Variants in SIGLEC7 observed in about 807,000 individuals in gnomAD.
SIGLEC7 encodes sialic acid-binding Ig-like lectin 7.
A neutral mutation model predicts 40.8 loss-of-function variants in SIGLEC7; 33 were observed. That is an observed-to-expected ratio of 0.81 (90% confidence interval 0.61 to 1.08). The LOEUF (loss-of-function observed/expected upper bound fraction) is 1.08. SIGLEC7 is among the 50% of genes least tolerant of loss of function. SIGLEC7 has a pLI of 0.00. For synonymous variants in SIGLEC7, 242 were observed against 237.6 expected (o/e 1.02, Z -0.17); for missense variants, 513 against 576.1 (o/e 0.89, Z 1.12).
chr19:51,144,138 T>G, intron 1 of SIGLEC7: 1 of 722,694 alleles, frequency 1.4e-6, no homozygotes, highest in South Asian at 1.4e-5. Context: ...AACTACTACT[T>G]CCAGGTGGAG....
At chr19:51,149,294 AT>A (rs1370014814) in intron 6 of SIGLEC7, among the ~76,000 whole-genome samples, 1 of 152,212 alleles carries the variant, frequency 6.6e-6, no homozygotes, top group Non-Finnish European at 1.5e-5. Flanking sequence ...TGAGTTTTAC[AT>A]TTAAGTTTTT....
At chr19:51,147,023 T>A in intron 5 of SIGLEC7, 173 bp downstream of exon 5, 1 of 1,003,730 alleles carries the variant, frequency 1.0e-6, no homozygotes. Flanking sequence ...GGGCTCCACA[T>A]CTGTGGTGAA....
chr19:51,144,460 T>A lies in SIGLEC7; in HGVS notation c.488T>A (p.Phe163Tyr), dbSNP rs559408851. ...LIPGTLESGC[F>Y]QNLTCSVPWA... The stretch of plus-strand genomic sequence containing the variant: ...CCCGGTACCCTGGAGTCTGGCTGCT[T>A]CCAGAATCTGACCTGCTCTGTGCCC... The change falls in exon 2 of 7, where the codon TTC becomes TAC. Residue 163 changes from phenylalanine (F) to tyrosine (Y), a missense_variant. Physicochemically the swap from Phe to Tyr is conservative, Grantham distance 22 (BLOSUM62 3). Coordinates refer to ENST00000317643, the MANE Select transcript of SIGLEC7 (RefSeq NM_014385.4). 6.2e-7 allele frequency: 1 copy of A among 1,613,398 alleles called. No homozygotes were observed. The highest frequency in any genetic ancestry group is 1.7e-5 in the Admixed American group (1 of 60,008).
chr19:51,144,749 G>A, intron 2 of SIGLEC7, 65 bp downstream of exon 2: 1 of 1,591,678 alleles, frequency 6.3e-7, no homozygotes, highest in Non-Finnish European at 8.6e-7. Flanking sequence ...GGCAGAGGAT[G>A]GGGTCAGGGC....
intron 4 of SIGLEC7, 142 bp from the exon 5 acceptor site, chr19:51,146,612 C>A: frequency 1.5e-6 from 1 of 656,728 alleles, no homozygotes. Context: ...GGAGTTGTCC[C>A]TTCCTCCTCC....
chr19:51,147,941 G>A (rs1230110615), intron 6 of SIGLEC7, among the ~76,000 whole-genome samples: 3 of 152,242 alleles, frequency 2.0e-5, no homozygotes, highest in Admixed American at 6.5e-5. Flanking sequence ...TTAGCTGGCT[G>A]TGTGCCAGTA....
Position 51,145,922 on chromosome 19 carries a change from T to A in SIGLEC7, c.828T>A (p.Cys276Ter), listed in dbSNP as rs751243654. 7.4e-6 allele frequency: 12 copies of A among 1,614,228 alleles called. No individual in the cohort carries two copies. The highest frequency in any genetic ancestry group is 9.3e-6 in the Non-Finnish European group (11 of 1,180,046). ...VLEGQSLRLV[C>*]AVDSNPPARL... ...AGGGCCAGTCTCTGCGCTTGGTCTG[T>A]GCTGTTGACAGCAATCCCCCTGCCA... Residue 276 changes from cysteine to a stop codon, truncating the protein, a stop_gained, in exon 4 of 7, where the codon TGT becomes TGA. Coordinates refer to ENST00000317643, the MANE Select transcript of SIGLEC7 (RefSeq NM_014385.4). LOFTEE classifies it high-confidence loss of function. The surrounding 1 kb of genome is among the most constrained non-coding windows in gnomAD (Gnocchi z 4.3).
intron 6 of SIGLEC7, among the ~76,000 whole-genome samples, chr19:51,151,874 T>A (rs2092145817): frequency 1.3e-5 from 2 of 152,196 alleles, no homozygotes; most frequent in Non-Finnish European, 2.9e-5. Context: ...CACTGACAGT[T>A]CCATGGAGCA....
Position 51,142,457 on chromosome 19 carries a change from A to ATGCAGAGTTCCGTGACCG in SIGLEC7, c.93_110dup (p.Ser32_Gln37dup). On this transcript the variant is annotated inframe_insertion, in exon 1 of 7. Transcript: ENST00000317643. This position sits in a 1 kb window ranked among gnomAD's most constrained non-coding sequence, Gnocchi z 5.0. ...TAACCGGAAGGATTACTCGCTGACG[A>ATGCAGAGTTCCGTGACCG]TGCAGAGTTCCGTGACCGTGCAAGA... 6.2e-7 allele frequency: 1 copy of ATGCAGAGTTCCGTGACCG among 1,614,184 alleles called. No individual in the cohort carries two copies. The highest frequency in any genetic ancestry group is 1.3e-5 in the African/African-American group (1 of 75,040).
Position 51,144,558 on chromosome 19 carries a change from A to G in SIGLEC7, c.586A>G (p.Thr196Ala). The G allele has an allele frequency of 6.2e-7, 1 of 1,613,028 alleles. No homozygotes were observed. Among genetic ancestry groups the G allele is most frequent in the Non-Finnish European group, 8.5e-7 (1 of 1,179,660 alleles). ...GTSVSPLHPS[T>A]TRSSVLTLIP... ...CTCTGTGTCCCCCCTGCACCCCTCC[A>G]CCACCCGCTCCTCAGTGCTCACCCT... The change falls in exon 2 of 7, where the codon ACC becomes GCC. Residue 196 changes from threonine to alanine, a missense_variant. By Grantham distance (58) the Thr-to-Ala change is moderately conservative (BLOSUM62 0). Transcript: ENST00000317643.
At chr19:51,150,130 T>C (rs539137231) in intron 6 of SIGLEC7, among the ~76,000 whole-genome samples, 6 of 152,200 alleles carry the variant, frequency 3.9e-5, no homozygotes, top group Non-Finnish European at 8.8e-5. Context: ...ATTTGGATGC[T>C]CTTTATTTCT....
intron 6 of SIGLEC7, 102 bp from the exon 7 acceptor site, chr19:51,152,961 G>C (rs273661): frequency 0.9 from 802,703 of 891,886 alleles, 365,533 homozygotes; most frequent in Non-Finnish European, 0.94. Flanking sequence ...CTATACAGAG[G>C]AATATATCCG....
Position 51,145,711 on chromosome 19 carries a change from C to T in SIGLEC7, c.761-144C>T, listed in dbSNP as rs1039006775. ...CCTCAAATAAAGGTGGGCAAGTTTA[C>T]ATTCCCAACAGTGAGCGGTGAACAT... On this transcript the variant is annotated intron_variant, in intron 3 of 6. Coordinates refer to ENST00000317643, the MANE Select transcript of SIGLEC7 (RefSeq NM_014385.4). This position sits in a 1 kb window ranked among gnomAD's most constrained non-coding sequence, Gnocchi z 4.3. The T allele has an allele frequency of 1.8e-5, 17 of 929,468 alleles. No individual in the cohort carries two copies. Among genetic ancestry groups the T allele is most frequent in the Non-Finnish European group, 2.6e-5 (16 of 613,766 alleles). The allele number at this position is 929,468 out of a possible 1,614,324, so 57.6% of individuals were successfully genotyped here.
At chr19:51,147,074 C>T (rs2092113326) in intron 5 of SIGLEC7, 147 bp from the exon 6 acceptor site, 5 of 1,285,860 alleles carry the variant, frequency 3.9e-6, no homozygotes, top group Admixed American at 5.2e-5. Context: ...CCTCTGTTTT[C>T]AACACTGGGG....
Position 51,145,726 on chromosome 19 carries a change from G to A in SIGLEC7, c.761-129G>A, listed in dbSNP as rs2092102724. On this transcript the variant is annotated intron_variant, in intron 3 of 6. Coordinates refer to ENST00000317643, the MANE Select transcript of SIGLEC7 (RefSeq NM_014385.4). This position sits in a 1 kb window ranked among gnomAD's most constrained non-coding sequence, Gnocchi z 4.3. ...GGCAAGTTTACATTCCCAACAGTGA[G>A]CGGTGAACATAAGTATGTCCCTGCA... 1 of 1,029,194 alleles carries A rather than the reference G, an allele frequency of 9.7e-7. No homozygotes were observed. Among genetic ancestry groups the A allele is most frequent in the Non-Finnish European group, 1.4e-6 (1 of 698,058 alleles). The allele number at this position is 1,029,194 out of a possible 1,614,324, so 63.8% of individuals were successfully genotyped here. A position where few individuals can be genotyped will look rare whatever the true frequency, so the allele number is the denominator to read the frequency against.
At position 51,144,602 on chromosome 19, in the gene SIGLEC7, C is replaced by G. The variant is rs549102934; in HGVS notation, c.630C>G (p.His210Gln). The G allele has an allele frequency of 1.3e-4, 204 of 1,613,984 alleles. 1 individual carries two copies. In the Middle Eastern group the frequency reaches 1.5e-3, roughly 12 times the overall value. Residue 210 changes from histidine to glutamine, a missense_variant, in exon 2 of 7, where the codon CAC (histidine) becomes CAG (glutamine). Transcript: ENST00000317643. ...TCACCCTCATCCCACAGCCCCAGCA[C>G]CACGGCACCAGCCTCACCTGTCAGG... ...SVLTLIPQPQ[H>Q]HGTSLTCQVT...
Position 51,142,363 on chromosome 19 carries a change from C to T in SIGLEC7, c.-7C>T. 2 of 1,611,896 alleles carry T rather than the reference C, an allele frequency of 1.2e-6. No individual in the cohort carries two copies. Among genetic ancestry groups the T allele is most frequent in the Non-Finnish European group, 1.7e-6 (2 of 1,178,684 alleles). On this transcript the variant is annotated 5_prime_UTR_variant, in exon 1 of 7. Coordinates refer to ENST00000317643, the MANE Select transcript of SIGLEC7 (RefSeq NM_014385.4). The surrounding 1 kb of genome is among the most constrained non-coding windows in gnomAD (Gnocchi z 5.0). ...CCCTCGCGGCCCTGGCACCTCCAAC[C>T]CCAGATATGCTGCTGCTGCTGCTGC... is the stretch of plus-strand genomic sequence containing the variant.
chr19:51,146,932 G>C, intron 5 of SIGLEC7, 82 bp downstream of exon 5: 2 of 1,351,190 alleles, frequency 1.5e-6, no homozygotes, highest in Non-Finnish European at 2.1e-6. Flanking sequence ...AGAGCTGGAA[G>C]GGACTGCATG....
chr19:51,146,219 T>G (rs898298153), intron 4 of SIGLEC7, 98 bp downstream of exon 4: 1 of 1,478,850 alleles, frequency 6.8e-7, no homozygotes, highest in Non-Finnish European at 9.2e-7. Context: ...AGCTCTGGTC[T>G]GTGCTCAGCT....
Sources: gnomAD v4.1 joint callset for allele counts (sites outside exome capture counted in the v4.1 genomes callset) on GRCh38, gnomAD v4.1.1 for gene constraint, Gnocchi (gnomAD v3.1) non-coding constraint, MANE v1.5 for transcripts, NCBI Gene and HGNC (gene_info 2026-07-23, HGNC 2026-07-21) for gene names.